RWDD2B: variants seen among roughly 807,000 people sequenced by gnomAD.
RWDD2B encodes RWD domain-containing protein 2B.
RWDD2B carries 36 observed loss-of-function variants against 33.6 expected under a neutral mutation model. The ratio of observed to expected loss-of-function variants is 1.07; its 90% CI spans 0.82 to 1.42. RWDD2B has a LOEUF of 1.42. Among genes scored for constraint, RWDD2B ranks in the 40% most tolerant of loss-of-function variants. The pLI is 0.00. For synonymous variants in RWDD2B, 126 were observed against 133.1 expected, an observed-to-expected ratio of 0.95 and a Z score of 0.37; for missense variants, 364 against 377.5, an observed-to-expected ratio of 0.96 and a Z score of 0.30.
rs192565012 is a variant in RWDD2B at position 29,016,737 on chromosome 21, A to C, written c.67+2474T>G. On this transcript the variant is annotated intron_variant, in intron 1 of 4. Coordinates refer to ENST00000493196, the MANE Select transcript of RWDD2B (RefSeq NM_016940.3). ...TTTTTGTTGGCGTGGCTCTGTTACC[A>C]GTGTTTTTGGATTCTATTACCAGAT... Among the ~76,000 whole-genome samples the C allele has an allele frequency of 3.7e-3, 559 of 152,254 alleles. 7 individuals are homozygous for C. Among genetic ancestry groups the C allele is most frequent in the African/African-American group, 0.012 (510 of 41,542 alleles).
At chr21:29,017,359 C>T (rs2084895419) in intron 1 of RWDD2B, among the ~76,000 whole-genome samples, 1 of 151,898 alleles carries the variant, frequency 6.6e-6, no homozygotes, top group Non-Finnish European at 1.5e-5. Context: ...CGCCTGTAAT[C>T]CCAGCACTTT....
intron 1 of RWDD2B, among the ~76,000 whole-genome samples, chr21:29,018,867 A>G (rs1568872995): frequency 3.3e-5 from 5 of 152,192 alleles, no homozygotes; most frequent in Non-Finnish European, 2.9e-5. Flanking sequence ...GAGAACGCAG[A>G]CTGAAACTTG....
rs1384297765 is a variant in RWDD2B at position 29,005,130 on chromosome 21, C to G, written c.*1287G>C. The G allele has an allele frequency of 6.6e-6, 1 of 152,128 alleles. No homozygotes were observed. The highest frequency in any genetic ancestry group is 1.5e-5 in the Non-Finnish European group (1 of 68,008). The allele number at this position is 152,128 out of a possible 1,614,324, so 9.4% of individuals were successfully genotyped here. A position where few individuals can be genotyped will look rare whatever the true frequency, so the allele number is the denominator to read the frequency against. On this transcript the variant is annotated 3_prime_UTR_variant, in exon 5 of 5. Coordinates refer to ENST00000493196, the MANE Select transcript of RWDD2B (RefSeq NM_016940.3). ...TTTATTTAATGCTAGGTCAATTTGG[C>G]AAAAATAAATGTACAGAAAGCCATT...
intron 1 of RWDD2B, among the ~76,000 whole-genome samples, chr21:29,012,179 C>CT (rs1555851474): frequency 2.1e-5 from 3 of 146,306 alleles, no homozygotes; most frequent in East Asian, 2.1e-4. Context: ...GGTGGTCAGC[C>CT]CCCCCCCGGG....
Position 29,008,582 on chromosome 21 carries a change from G to A in RWDD2B, c.107C>T (p.Ala36Val), listed in dbSNP as rs1047036. The change falls in exon 2 of 5, where the codon GCG becomes GTG. Residue 36 changes from alanine to valine, a missense_variant. By Grantham distance (64) the Ala-to-Val change is moderately conservative. Coordinates refer to ENST00000493196, the MANE Select transcript of RWDD2B (RefSeq NM_016940.3). ...GTCTAACTCAGCAAGCTGGGCCTCC[G>A]CCTGCTCCATCTCAATCATTTTTGG... ...TCPKMIEMEQ[A>V]EAQLAELDLL... 6,007 of 1,613,752 alleles carry A rather than the reference G, an allele frequency of 3.7e-3. 14 individuals carry two copies. The highest frequency in any genetic ancestry group is 4.6e-3 in the Non-Finnish European group (5,454 of 1,179,946).
intron 1 of RWDD2B, among the ~76,000 whole-genome samples, chr21:29,014,657 TA>T (rs1429781389): frequency 6.6e-6 from 1 of 152,002 alleles, no homozygotes; most frequent in East Asian, 1.9e-4. Flanking sequence ...CCATCTCTAC[TA>T]AAAATACAAA....
intron 1 of RWDD2B, among the ~76,000 whole-genome samples, chr21:29,013,061 T>G (rs913104537): frequency 2.0e-5 from 3 of 151,556 alleles, no homozygotes; most frequent in Admixed American, 2.0e-4. Flanking sequence ...TTTTTTTTTT[T>G]TTTGAGACAG....
intron 1 of RWDD2B, among the ~76,000 whole-genome samples, chr21:29,011,620 C>A (rs1208437246): frequency 7.2e-6 from 1 of 139,714 alleles, no homozygotes; most frequent in African/African-American, 2.7e-5. Flanking sequence ...GGCCAGCCGC[C>A]CCGTCCGGGA....
intron 1 of RWDD2B, among the ~76,000 whole-genome samples, chr21:29,018,539 C>T (rs1246180902): frequency 6.6e-6 from 1 of 152,158 alleles, no homozygotes; most frequent in East Asian, 1.9e-4. Flanking sequence ...ATGGGATTAG[C>T]AAAGAAGAAC....
At chr21:29,007,647 A>G (rs79859718) in intron 4 of RWDD2B, 114 bp downstream of exon 4, 16,053 of 1,092,528 alleles carry the variant, frequency 0.015, 155 homozygotes, top group Non-Finnish European at 0.018. Flanking sequence ...TTATGGCATC[A>G]CTGTTTTATG....
At chr21:29,011,587 T>G (rs991811669) in intron 1 of RWDD2B, among the ~76,000 whole-genome samples, 20 of 63,342 alleles carry the variant, frequency 3.2e-4, no homozygotes, top group South Asian at 1.1e-3. Context: ...GGGAGGGAGG[T>G]GGGGGGGGTC....
intron 1 of RWDD2B, among the ~76,000 whole-genome samples, chr21:29,009,151 G>A (rs1000663586): frequency 2.6e-5 from 4 of 151,954 alleles, no homozygotes; most frequent in African/African-American, 9.7e-5. Context: ...GCAGTGGCAT[G>A]ATCCCCGCTC....
intron 1 of RWDD2B, among the ~76,000 whole-genome samples, chr21:29,014,071 G>A (rs776114987): frequency 4.6e-5 from 7 of 152,226 alleles, no homozygotes; most frequent in Non-Finnish European, 1.0e-4. Context: ...AGTTTACGAT[G>A]AAGAGAAATT....
At chr21:29,008,661 A>T (rs758434057) in intron 1 of RWDD2B, 40 bp from the exon 2 acceptor site, 5 of 1,359,416 alleles carry the variant, frequency 3.7e-6, no homozygotes, top group Non-Finnish European at 5.1e-6. Flanking sequence ...TACATATGCA[A>T]TCTTGGAAGA....
chr21:29,015,189 A>C (rs1363990188), intron 1 of RWDD2B, among the ~76,000 whole-genome samples: 1 of 106,934 alleles, frequency 9.4e-6, no homozygotes, highest in Non-Finnish European at 2.0e-5. Flanking sequence ...AGAATTTTTC[A>C]TTGTCTTTGG....
chr21:29,017,747 C>T (rs1280532773), intron 1 of RWDD2B, among the ~76,000 whole-genome samples: 1 of 152,142 alleles, frequency 6.6e-6, no homozygotes, highest in Admixed American at 6.5e-5. Context: ...GGCCTTTCTC[C>T]TAAGGTGACT....
Position 29,019,308 on chromosome 21 carries a change from G to C in RWDD2B, c.-31C>G. ...GGGAGCCTCAAAATTCTAGCATACT[G>C]CGACCCAAAACTTACAAACCGCCTC... On this transcript the variant is annotated 5_prime_UTR_variant, in exon 1 of 5. Transcript: ENST00000493196. The C allele has an allele frequency of 6.5e-7, 1 of 1,542,360 alleles. No individual in the cohort carries two copies.
intron 1 of RWDD2B, 104 bp downstream of exon 1, chr21:29,019,107 C>G: frequency 3.2e-6 from 3 of 950,202 alleles, no homozygotes; most frequent in East Asian, 5.3e-5. Flanking sequence ...TGAGGGGAAC[C>G]GGGGCCGCCA....
chr21:29,008,440 G>C lies in RWDD2B; in HGVS notation c.249C>G (p.Val83=). 6.2e-7 allele frequency: 1 copy of C among 1,614,166 alleles called. No individual in the cohort carries two copies. Among genetic ancestry groups the C allele is most frequent in the Non-Finnish European group, 8.5e-7 (1 of 1,180,040 alleles). ...CCAGGTTCATATTGATAGTAAAGTAGACTTTTGAAGATCGCCCCTCCATTG... is the reference window on the plus strand; with the variant it reads ...CCAGGTTCATATTGATAGTAAAGTACACTTTTGAAGATCGCCCCTCCATTG... ...KKTMEGRSSK[V]YFTINMNLDV... is the part of the protein sequence containing the mutation. Residue 83 remains valine (V), a synonymous_variant, in exon 2 of 5, where the codon GTC becomes GTG. Coordinates refer to ENST00000493196, the MANE Select transcript of RWDD2B (RefSeq NM_016940.3).
Sources: gnomAD v4.1 joint callset for allele counts (sites outside exome capture counted in the v4.1 genomes callset) on GRCh38, gnomAD v4.1.1 for gene constraint, MANE v1.5 for transcripts, NCBI Gene and HGNC (gene_info 2026-07-23, HGNC 2026-07-21) for gene names.